ADORA2B: variants seen among roughly 807,000 people sequenced by gnomAD.
The protein encoded by ADORA2B is adenosine A2b receptor.
In ADORA2B, 18 loss-of-function variants were observed where a neutral mutation model predicts 20.8. The observed-to-expected ratio is 0.87, with a 90% CI of 0.60 to 1.29. ADORA2B has a LOEUF of 1.29. Among genes scored for constraint, ADORA2B ranks in the 50% most tolerant of loss-of-function variants. The pLI is 0.00. For synonymous variants in ADORA2B, 179 were observed against 178.3 expected (o/e 1.00, Z -0.03); for missense variants, 441 against 422.7 (o/e 1.04, Z -0.38).
At chr17:15,879,829 A>G in the ADORA2B span, among the ~76,000 whole-genome samples, 3 of 148,628 alleles carry the variant, frequency 2.0e-5, no homozygotes, top group Admixed American at 6.7e-5. Context: ...CAGCCACCGC[A>G]CCCGGCCAAA....
At chr17:15,885,913 T>A in the ADORA2B span, among the ~76,000 whole-genome samples, 57 of 152,284 alleles carry the variant, frequency 3.7e-4, no homozygotes, top group Admixed American at 2.2e-3. Flanking sequence ...GGTCACAGTT[T>A]GGGTTGGTTT....
At chr17:15,879,367 T>G in the ADORA2B span, among the ~76,000 whole-genome samples, 2 of 151,942 alleles carry the variant, frequency 1.3e-5, no homozygotes, top group African/African-American at 4.8e-5. Flanking sequence ...GTGGGAGGAT[T>G]GCTTGAGCCC....
At chr17:15,898,936 A>T in the ADORA2B span, among the ~76,000 whole-genome samples, 1 of 152,118 alleles carries the variant, frequency 6.6e-6, no homozygotes, top group African/African-American at 2.4e-5. Context: ...ATGTGGATTG[A>T]AAAATAATAT....
rs112542487 is a variant in ADORA2B, at chr17:15,949,423, G to T, written c.335+3840G>T. On this transcript the variant is annotated intron_variant, in intron 1 of 1. Coordinates refer to ENST00000304222, the MANE Select transcript of ADORA2B (RefSeq NM_000676.4). ...AGCTACTCGGGAGGCTGAGGCAGGA[G>T]AATTGCTTGAACCCAAGAGACAGAG... Among the ~76,000 whole-genome samples, 1,221 of 152,202 alleles carry T rather than the reference G, an allele frequency of 8.0e-3. 15 individuals carry two copies. Among genetic ancestry groups the T allele is most frequent in the African/African-American group, 0.028 (1,172 of 41,494 alleles).
intron 1 of ADORA2B, among the ~76,000 whole-genome samples, chr17:15,968,052 C>G (rs1970143303): frequency 6.6e-6 from 1 of 152,098 alleles, no homozygotes; most frequent in South Asian, 2.1e-4. Context: ...CAAGGTAGAT[C>G]AGAGAATTTC....
chr17:15,883,186 T>G, the ADORA2B span, among the ~76,000 whole-genome samples: 1 of 152,222 alleles, frequency 6.6e-6, no homozygotes, highest in Non-Finnish European at 1.5e-5. Context: ...AAACTTAATC[T>G]TGGAACAAAA....
the ADORA2B span, among the ~76,000 whole-genome samples, chr17:15,860,107 A>T: frequency 2.0e-5 from 3 of 151,802 alleles, no homozygotes; most frequent in South Asian, 6.3e-4. Flanking sequence ...GGTGTATGCA[A>T]CCCCCAGTCA....
intron 1 of ADORA2B, among the ~76,000 whole-genome samples, chr17:15,946,702 G>A (rs1969811194): frequency 6.6e-6 from 1 of 152,180 alleles, no homozygotes; most frequent in South Asian, 2.1e-4. Context: ...GTAGAGGAGG[G>A]GTGATGGCCC....
the ADORA2B span, among the ~76,000 whole-genome samples, chr17:15,862,651 A>G: frequency 6.6e-6 from 1 of 152,062 alleles, no homozygotes. Flanking sequence ...GTAAATGTTC[A>G]GCTTACCTTT....
intron 1 of ADORA2B, chr17:15,973,809 G>A (rs1420603296): frequency 6.6e-6 from 1 of 152,232 alleles, no homozygotes; most frequent in Non-Finnish European, 1.5e-5. Context: ...TAGGTAGGAA[G>A]TATAGGAAGT....
the ADORA2B span, among the ~76,000 whole-genome samples, chr17:15,862,221 T>C: frequency 5.6e-5 from 8 of 141,616 alleles, no homozygotes; most frequent in East Asian, 1.4e-3. Context: ...CTTTTTTTTT[T>C]TTTTTTTTTT....
At chr17:15,867,636 C>A in the ADORA2B span, among the ~76,000 whole-genome samples, 3 of 149,828 alleles carry the variant, frequency 2.0e-5, no homozygotes, top group East Asian at 5.9e-4. Flanking sequence ...GGTCAGCCCG[C>A]CGCCCAGCCA....
At chr17:15,928,947 T>G in the ADORA2B span, among the ~76,000 whole-genome samples, 1 of 151,876 alleles carries the variant, frequency 6.6e-6, no homozygotes, top group East Asian at 1.9e-4. Flanking sequence ...GCTGGGTTGT[T>G]ACGGAAGGAG....
intron 1 of ADORA2B, among the ~76,000 whole-genome samples, chr17:15,957,064 T>C (rs891334031): frequency 1.3e-5 from 2 of 152,130 alleles, no homozygotes; most frequent in African/African-American, 2.4e-5. Context: ...GACAAGATGA[T>C]ATAGGGTAGC....
chr17:15,903,308 G>A, the ADORA2B span, among the ~76,000 whole-genome samples: 1 of 152,122 alleles, frequency 6.6e-6, no homozygotes, highest in South Asian at 2.1e-4. Flanking sequence ...ATGTATAGTT[G>A]TATATTTCAG....
intron 1 of ADORA2B, 86 bp downstream of exon 1, chr17:15,945,669 G>A: frequency 1.5e-6 from 2 of 1,333,198 alleles, no homozygotes; most frequent in East Asian, 2.6e-5. Flanking sequence ...TCCTCCCTCG[G>A]GGGCCCCAGA....
chr17:15,935,364 A>G, the ADORA2B span, among the ~76,000 whole-genome samples: 37 of 152,200 alleles, frequency 2.4e-4, no homozygotes, highest in Admixed American at 1.5e-3. Flanking sequence ...AGCTTTTACT[A>G]TGTCATAGTA....
chr17:15,869,731 T>C, the ADORA2B span, among the ~76,000 whole-genome samples: 1 of 151,782 alleles, frequency 6.6e-6, no homozygotes, highest in African/African-American at 2.4e-5. Context: ...ACAAGTCAGT[T>C]AGTTATTCCT....
At chr17:15,948,139 C>T (rs1969834929) in intron 1 of ADORA2B, among the ~76,000 whole-genome samples, 1 of 152,106 alleles carries the variant, frequency 6.6e-6, no homozygotes, top group Admixed American at 6.5e-5. Context: ...GGGACCTACC[C>T]CCAGTTCCTC....
Sources: gnomAD v4.1 joint callset for allele counts (sites outside exome capture counted in the v4.1 genomes callset) on GRCh38, gnomAD v4.1.1 for gene constraint, MANE v1.5 for transcripts, NCBI Gene and HGNC (gene_info 2026-07-23, HGNC 2026-07-21) for gene names.